TMEM244: variants seen among roughly 807,000 people sequenced by gnomAD.
The protein encoded by TMEM244 is transmembrane protein 244.
TMEM244 carries 13 observed loss-of-function variants against 15.8 expected under a neutral mutation model. The ratio of observed to expected loss-of-function variants is 0.82; its 90% CI spans 0.53 to 1.30. The LOEUF (loss-of-function observed/expected upper bound fraction) is 1.30. Ranked by LOEUF, TMEM244 falls within the 50% of genes most tolerant of loss-of-function variation. The pLI is 0.00. For missense variants in TMEM244, 161 were observed against 144.9 expected, an observed-to-expected ratio of 1.11 and a Z score of -0.57; for synonymous variants, 45 against 48.7, an observed-to-expected ratio of 0.92 and a Z score of 0.32.
chr6:129,837,847 G>A (rs1321595386), intron 3 of TMEM244, among the ~76,000 whole-genome samples: 2 of 152,090 alleles, frequency 1.3e-5, no homozygotes, highest in East Asian at 1.9e-4. Flanking sequence ...AATGCTAAAG[G>A]GATCAATTCA....
intron 1 of TMEM244, among the ~76,000 whole-genome samples, chr6:129,849,391 A>C (rs533730985): frequency 1.3e-5 from 2 of 152,178 alleles, no homozygotes; most frequent in Non-Finnish European, 2.9e-5. Flanking sequence ...ATGGAACATA[A>C]CAATTTTCTA....
intron 1 of TMEM244, among the ~76,000 whole-genome samples, chr6:129,851,361 C>G (rs767943251): frequency 3.9e-5 from 6 of 152,140 alleles, no homozygotes; most frequent in Admixed American, 6.5e-5. Context: ...CTCCACCTCC[C>G]AGGCTCAAGC....
At chr6:129,832,695 C>G (rs1776346793) in intron 4 of TMEM244, among the ~76,000 whole-genome samples, 1 of 152,170 alleles carries the variant, frequency 6.6e-6, no homozygotes, top group East Asian at 1.9e-4. Flanking sequence ...CATCAGGTTT[C>G]CCCCATTTTG....
intron 3 of TMEM244, among the ~76,000 whole-genome samples, chr6:129,842,688 T>C (rs1776509060): frequency 6.6e-6 from 1 of 151,996 alleles, no homozygotes. Flanking sequence ...GTATACAGAA[T>C]GTAAGTATGC....
At chr6:129,859,010 G>C (rs1039434771) in intron 1 of TMEM244, among the ~76,000 whole-genome samples, 2 of 152,106 alleles carry the variant, frequency 1.3e-5, no homozygotes, top group African/African-American at 2.4e-5. Context: ...TACCAGGCTG[G>C]TATCGAACTC....
intron 2 of TMEM244, among the ~76,000 whole-genome samples, chr6:129,844,828 C>A (rs1776540896): frequency 6.6e-6 from 1 of 152,180 alleles, no homozygotes; most frequent in African/African-American, 2.4e-5. Context: ...CTTTCCATTG[C>A]AAACATTGGT....
At chr6:129,860,689 A>G (rs1776796234) in intron 1 of TMEM244, among the ~76,000 whole-genome samples, 1 of 152,048 alleles carries the variant, frequency 6.6e-6, no homozygotes, top group Non-Finnish European at 1.5e-5. Context: ...AGTAAAACAC[A>G]ACTATTAACA....
chr6:129,832,362 T>C (rs1344514008), intron 4 of TMEM244, among the ~76,000 whole-genome samples: 1 of 151,994 alleles, frequency 6.6e-6, no homozygotes, highest in Non-Finnish European at 1.5e-5. Flanking sequence ...CCTCCCAGAG[T>C]GCTGGGATTA....
chr6:129,843,676 G>A (rs17396508), intron 2 of TMEM244, 73 bp from the exon 3 acceptor site: 80,976 of 1,075,672 alleles, frequency 0.075, 3,725 homozygotes, highest in Non-Finnish European at 0.088. Flanking sequence ...AGTGACACAC[G>A]TTACTATTTT....
At chr6:129,834,491 A>G (rs1448922552) in intron 3 of TMEM244, among the ~76,000 whole-genome samples, 1 of 147,348 alleles carries the variant, frequency 6.8e-6, no homozygotes, top group Non-Finnish European at 1.5e-5. Flanking sequence ...AGCAAACTCT[A>G]TATTTTTCAA....
At chr6:129,834,376 G>T (rs1776373396) in intron 3 of TMEM244, among the ~76,000 whole-genome samples, 1 of 152,074 alleles carries the variant, frequency 6.6e-6, no homozygotes, top group Non-Finnish European at 1.5e-5. Flanking sequence ...TACCACCAAG[G>T]TCCCTTTGTA....
At chr6:129,831,583 CT>C (rs1406797917) in intron 4 of TMEM244, among the ~76,000 whole-genome samples, 197 bp from the exon 5 acceptor site, 1 of 152,128 alleles carries the variant, frequency 6.6e-6, no homozygotes, top group Non-Finnish European at 1.5e-5. Flanking sequence ...TACAACTCTT[CT>C]CCTAGAAATA....
At chr6:129,854,150 G>T (rs895420395) in intron 1 of TMEM244, among the ~76,000 whole-genome samples, 1 of 152,172 alleles carries the variant, frequency 6.6e-6, no homozygotes, top group African/African-American at 2.4e-5. Context: ...GAAGAGATGT[G>T]TCCATTTGGC....
At position 129,845,930 on chromosome 6, in the gene TMEM244, G is replaced by T. The variant is rs953891374; in HGVS notation, c.34-78C>A. On this transcript the variant is annotated intron_variant, in intron 1 of 4. Coordinates refer to ENST00000368143, the MANE Select transcript of TMEM244 (RefSeq NM_001010876.2). ...TTTGGTAACTATTTTGACAAAAGAT[G>T]ATGAATGATTACTAGATAGTGTTGG... 15 of 956,328 alleles carry T rather than the reference G, an allele frequency of 1.6e-5. No homozygotes were observed. The African/African-American group carries it at 2.5e-4, about 16-fold the overall frequency. The allele number at this position is 956,328 out of a possible 1,614,324, so 59.2% of individuals were successfully genotyped here.
intron 2 of TMEM244, 60 bp from the exon 3 acceptor site, chr6:129,843,663 C>G: frequency 8.5e-7 from 1 of 1,178,742 alleles, no homozygotes; most frequent in East Asian, 2.4e-5. Context: ...AACAGCACAT[C>G]AAAGTGACAC....
rs1776751323 is a variant in TMEM244, at chr6:129,858,566, A to C, written c.33+2590T>G. 2.6e-5 allele frequency among the ~76,000 whole-genome samples: 4 copies of C among 152,160 alleles called. No homozygotes were observed. In the South Asian group the frequency reaches 8.3e-4, roughly 32 times the overall value. ...ATTTTAATTGCTTCCATAATATTAT[A>C]TTTGTCTTATAGATCTCATCAAATT... On this transcript the variant is annotated intron_variant, in intron 1 of 4. Coordinates refer to ENST00000368143, the MANE Select transcript of TMEM244 (RefSeq NM_001010876.2).
At chr6:129,842,495 CT>C (rs1489967693) in intron 3 of TMEM244, among the ~76,000 whole-genome samples, 1 of 152,096 alleles carries the variant, frequency 6.6e-6, no homozygotes, top group Non-Finnish European at 1.5e-5. Flanking sequence ...ACCAAGTTTC[CT>C]ATACAAATTA....
At chr6:129,842,427 A>T (rs1244728795) in intron 3 of TMEM244, among the ~76,000 whole-genome samples, 1 of 152,200 alleles carries the variant, frequency 6.6e-6, no homozygotes, top group Non-Finnish European at 1.5e-5. Context: ...TTGAATCAAT[A>T]ATGGCACCAA....
intron 1 of TMEM244, among the ~76,000 whole-genome samples, chr6:129,848,400 A>C (rs878613): frequency 0.75 from 113,415 of 152,104 alleles, 43,211 homozygotes; most frequent in Non-Finnish European, 0.82. Context: ...AAGGGTTTTA[A>C]CATGTCAGGT....
Sources: allele counts gnomAD v4.1 joint callset (sites outside exome capture counted in the v4.1 genomes callset), GRCh38; gene constraint gnomAD v4.1.1; transcripts MANE v1.5; gene names NCBI Gene and HGNC (gene_info 2026-07-23, HGNC 2026-07-21).